The following PCDHGA3 variants were observed in gnomAD, a reference collection of about 807,000 sequenced individuals.
PCDHGA3 encodes the protein protocadherin gamma-A3.
PCDHGA3 carries 40 observed loss-of-function variants against 58.5 expected under a neutral mutation model. The ratio of observed to expected loss-of-function variants is 0.68; its 90% confidence interval spans 0.53 to 0.89. The LOEUF is 0.89. PCDHGA3 is among the 40% of genes least tolerant of loss of function. The probability of loss-of-function intolerance (pLI) is 0.00; values close to 1 mark genes in which losing one functional copy is unlikely to be tolerated. For synonymous variants in PCDHGA3, 530 were observed against 525.7 expected (o/e 1.01, Z -0.11); for missense variants, 1,223 against 1,195.9 (o/e 1.02, Z -0.33).
intron 1 of PCDHGA3, chr5:141,388,133 G>C: frequency 6.9e-7 from 1 of 1,450,894 alleles, no homozygotes. Flanking sequence ...AGAGCGGGGA[G>C]TTGCTTGTGA....
intron 1 of PCDHGA3, chr5:141,350,773 C>T (rs1758555633): frequency 6.2e-7 from 1 of 1,613,942 alleles, no homozygotes; most frequent in Non-Finnish European, 8.5e-7. Flanking sequence ...CCATCAACCC[C>T]AATCAATACT....
intron 1 of PCDHGA3, chr5:141,478,171 G>A (rs141465380): frequency 7.3e-5 from 118 of 1,613,942 alleles, no homozygotes; most frequent in African/African-American, 1.5e-4. Flanking sequence ...CCCCCCGGGA[G>A]CAGAAAAAAA....
chr5:141,388,868 A>G lies in PCDHGA3; in HGVS notation c.2424+42411A>G, dbSNP rs138074064. On this transcript the variant is annotated intron_variant, in intron 1 of 3. Transcript: ENST00000253812. The stretch of plus-strand genomic sequence containing the variant: ...GGGACGGTGGAGGAATGATTGCGCA[A>G]TGCACAGTGGAGGTAGAAGTCATAG... 208 of 1,613,992 alleles carry G rather than the reference A, an allele frequency of 1.3e-4. 2 individuals are homozygous for G. In the African/African-American group the frequency reaches 2.5e-3, roughly 19 times the overall value.
Position 141,400,095 on chromosome 5 carries a change from G to A in PCDHGA3, c.2424+53638G>A, listed in dbSNP as rs6873830. ...CGCCACTCTCCGCCACCGCCACGCT[G>A]CACTTGGTCTTTGCTGACAGCTTGC... On this transcript the variant is annotated intron_variant, in intron 1 of 3. Coordinates refer to ENST00000253812, the MANE Select transcript of PCDHGA3 (RefSeq NM_018916.4). 3.0e-3 allele frequency: 4,838 copies of A among 1,614,064 alleles called. 144 individuals are homozygous for A. The African/African-American group carries it at 0.056, about 19-fold the overall frequency.
At chr5:141,498,429 G>T (rs1595525351) in intron 2 of PCDHGA3, among the ~76,000 whole-genome samples, 1 of 152,290 alleles carries the variant, frequency 6.6e-6, no homozygotes, top group East Asian at 1.9e-4. Flanking sequence ...GGAGTGAGGG[G>T]ATGAAGAGGA....
intron 1 of PCDHGA3, chr5:141,398,946 C>A: frequency 6.2e-7 from 1 of 1,613,948 alleles, no homozygotes; most frequent in Non-Finnish European, 8.5e-7. Flanking sequence ...ACGAGGGCAT[C>A]AACTCAGAAA....
At chr5:141,417,955 G>C in intron 1 of PCDHGA3, 2 of 1,613,634 alleles carry the variant, frequency 1.2e-6, no homozygotes, top group Middle Eastern at 1.7e-4. Flanking sequence ...TGTGTGAGCC[G>C]ATCCGCTACT....
At chr5:141,405,049 C>A in intron 1 of PCDHGA3, 2 of 1,613,936 alleles carry the variant, frequency 1.2e-6, no homozygotes, top group South Asian at 2.2e-5. Flanking sequence ...CTGTGGCAGT[C>A]GTCTCCTGTG....
chr5:141,459,076 C>T (rs1474375780), intron 1 of PCDHGA3, among the ~76,000 whole-genome samples: 1 of 152,144 alleles, frequency 6.6e-6, no homozygotes, highest in Non-Finnish European at 1.5e-5. Context: ...ATAAAATTTG[C>T]CTTTTAAAAT....
rs537619617 is a variant in PCDHGA3 at position 141,483,429 on chromosome 5, C to G, written c.2425-11378C>G. On this transcript the variant is annotated intron_variant, in intron 1 of 3. Coordinates refer to ENST00000253812, the MANE Select transcript of PCDHGA3 (RefSeq NM_018916.4). ...ACAGTGGCAGTACAGATGGAGGGAGCTGACTACAATAAAATCATCAGGACT... is the reference window on the plus strand; with the variant it reads ...ACAGTGGCAGTACAGATGGAGGGAGGTGACTACAATAAAATCATCAGGACT... Among the ~76,000 whole-genome samples the G allele has an allele frequency of 5.3e-5, 8 of 152,158 alleles. No individual in the cohort carries two copies. In the East Asian group the frequency reaches 1.5e-3, roughly 29 times the overall value.
rs374476072 is a variant in PCDHGA3, at chr5:141,419,103, C to T, written c.2424+72646C>T. 5 of 1,613,886 alleles carry T rather than the reference C, an allele frequency of 3.1e-6. 1 individual carries two copies. Among genetic ancestry groups the T allele is most frequent in the South Asian group, 1.1e-5 (1 of 91,088 alleles). On this transcript the variant is annotated intron_variant, in intron 1 of 3. Transcript: ENST00000253812. ...GATGAGGCCCTGGATCGGGAGCAGA[C>T]CCCAGAGTACAACGTCACCATCGCA... is the stretch of plus-strand genomic sequence containing the variant.
intron 1 of PCDHGA3, chr5:141,399,397 G>C: frequency 1.2e-6 from 2 of 1,613,940 alleles, no homozygotes; most frequent in Non-Finnish European, 8.5e-7. Context: ...CACAGACAGG[G>C]GCAAGCCGCC....
chr5:141,501,304 C>T (rs1005430489), intron 2 of PCDHGA3, among the ~76,000 whole-genome samples: 104 of 151,340 alleles, frequency 6.9e-4, no homozygotes, highest in African/African-American at 2.2e-3. Flanking sequence ...CACACACACA[C>T]ACACACACAC....
rs199507728 is a variant in PCDHGA3, at chr5:141,422,807, G to A, written c.2425-72000G>A. On this transcript the variant is annotated intron_variant, in intron 1 of 3. Coordinates refer to ENST00000253812, the MANE Select transcript of PCDHGA3 (RefSeq NM_018916.4). ...CAATCCTTCGACTATGAGCAGTTTC[G>A]AGACTTAGAACTGAGAGTGATAGCA... 1.9e-3 allele frequency: 3,146 copies of A among 1,614,198 alleles called. 36 individuals are homozygous for A. The highest frequency in any genetic ancestry group is 0.018 in the South Asian group (1,680 of 91,084).
Position 141,372,427 on chromosome 5 carries a change from G to A in PCDHGA3, c.2424+25970G>A. On this transcript the variant is annotated intron_variant, in intron 1 of 3. Coordinates refer to ENST00000253812, the MANE Select transcript of PCDHGA3 (RefSeq NM_018916.4). ...GAGATACAACCTGACCTTAGCGACC[G>A]CCCCACTCCCTCTGACCCTCAGGCG... 6.2e-7 allele frequency: 1 copy of A among 1,613,990 alleles called. No homozygotes were observed. The highest frequency in any genetic ancestry group is 8.5e-7 in the Non-Finnish European group (1 of 1,179,882).
intron 1 of PCDHGA3, chr5:141,478,148 C>A: frequency 6.2e-7 from 1 of 1,614,066 alleles, no homozygotes; most frequent in Non-Finnish European, 8.5e-7. Flanking sequence ...AGCCGAGTTC[C>A]CCTCTGGCTC....
chr5:141,423,156 C>G, intron 1 of PCDHGA3: 1 of 1,613,388 alleles, frequency 6.2e-7, no homozygotes, highest in Non-Finnish European at 8.5e-7. Flanking sequence ...AGCAGAGCCT[C>G]GTGGTGGCCG....
intron 2 of PCDHGA3, among the ~76,000 whole-genome samples, chr5:141,500,416 A>G: frequency 6.6e-6 from 1 of 151,634 alleles, no homozygotes; most frequent in East Asian, 2.0e-4. Flanking sequence ...TCACCGTGTT[A>G]GCCAGGATGG....
intron 2 of PCDHGA3, among the ~76,000 whole-genome samples, chr5:141,503,608 AAAAAAAG>A (rs1483073868): frequency 3.3e-5 from 5 of 151,876 alleles, no homozygotes; most frequent in South Asian, 2.1e-4. Context: ...CAAAAAAAAA[AAAAAAAG>A]AAAAAAGAAA....
Sources: allele counts gnomAD v4.1 joint callset (sites outside exome capture counted in the v4.1 genomes callset), GRCh38; gene constraint gnomAD v4.1.1; transcripts MANE v1.5; gene names NCBI Gene and HGNC (gene_info 2026-07-23, HGNC 2026-07-21).